GALNTL6: variants seen among roughly 807,000 people sequenced by gnomAD.
GALNTL6 encodes the protein polypeptide N-acetylgalactosaminyltransferase-like 6.
A neutral mutation model predicts 73.7 loss-of-function variants in GALNTL6; 46 were observed. That is an observed-to-expected ratio of 0.62 (90% CI 0.49 to 0.80). GALNTL6 has a LOEUF of 0.80. Among genes scored for constraint, GALNTL6 ranks in the 30% least tolerant of loss-of-function variants. The pLI, the probability that GALNTL6 is intolerant of heterozygous loss-of-function variation, is 0.00. For synonymous variants in GALNTL6, 259 were observed against 263.7 expected (o/e 0.98, Z 0.17); for missense variants, 604 against 755.0 (o/e 0.80, Z 2.34).
At chr4:173,034,087 C>A (rs34922894) in intron 12 of GALNTL6, among the ~76,000 whole-genome samples, 5,618 of 152,266 alleles carry the variant, frequency 0.037, 151 homozygotes, top group Non-Finnish European at 0.055. Flanking sequence ...CATCCACCTC[C>A]TCCCTCTACC....
At chr4:172,927,540 G>A (rs1237290712) in intron 8 of GALNTL6, among the ~76,000 whole-genome samples, 1 of 151,770 alleles carries the variant, frequency 6.6e-6, no homozygotes, top group Non-Finnish European at 1.5e-5. Flanking sequence ...TTCAAAAAAA[G>A]GCACAGAGGA....
intron 12 of GALNTL6, among the ~76,000 whole-genome samples, chr4:173,033,622 C>T (rs1753561760): frequency 6.6e-6 from 1 of 152,170 alleles, no homozygotes. Context: ...TCATCCCACT[C>T]CCCTCCTGCC....
chr4:172,219,095 T>G (rs2110943549), intron 2 of GALNTL6, among the ~76,000 whole-genome samples: 1 of 145,622 alleles, frequency 6.9e-6, no homozygotes, highest in African/African-American at 2.5e-5. Context: ...TTTCAGACAT[T>G]TGGGAAGGCA....
chr4:172,310,865 G>T (rs1430864235), intron 3 of GALNTL6, among the ~76,000 whole-genome samples: 1 of 151,646 alleles, frequency 6.6e-6, no homozygotes, highest in East Asian at 1.9e-4. Context: ...TAAAATATTT[G>T]CAACATATGT....
intron 10 of GALNTL6, among the ~76,000 whole-genome samples, chr4:172,998,360 C>T (rs1751888963): frequency 6.6e-6 from 1 of 152,202 alleles, no homozygotes; most frequent in Admixed American, 6.5e-5. Flanking sequence ...TTAATTTCTA[C>T]AAGCACTTCA....
chr4:172,579,122 C>T (rs1253790880), intron 5 of GALNTL6, among the ~76,000 whole-genome samples: 6 of 152,180 alleles, frequency 3.9e-5, no homozygotes, highest in Non-Finnish European at 7.3e-5. Flanking sequence ...ATTTTAACAT[C>T]ATCAAATTAC....
At chr4:172,296,028 T>A (rs1739660431) in intron 3 of GALNTL6, among the ~76,000 whole-genome samples, 2 of 152,162 alleles carry the variant, frequency 1.3e-5, no homozygotes, top group Non-Finnish European at 2.9e-5. Context: ...GAAGTATTGA[T>A]GCTTGACATT....
At chr4:172,512,444 T>C (rs1031335646) in intron 5 of GALNTL6, among the ~76,000 whole-genome samples, 3 of 152,162 alleles carry the variant, frequency 2.0e-5, no homozygotes, top group African/African-American at 7.2e-5. Flanking sequence ...CATTCAGCTG[T>C]AGTATTGAGA....
intron 2 of GALNTL6, among the ~76,000 whole-genome samples, chr4:171,930,547 G>T (rs1738146548): frequency 6.6e-6 from 1 of 152,086 alleles, no homozygotes; most frequent in Non-Finnish European, 1.5e-5. Flanking sequence ...TTAAGATCAG[G>T]AACAAGGCCA....
chr4:172,802,071 G>C (rs1419772710), intron 5 of GALNTL6, among the ~76,000 whole-genome samples: 1 of 151,804 alleles, frequency 6.6e-6, no homozygotes, highest in Non-Finnish European at 1.5e-5. Context: ...TCAAGCCCTT[G>C]GTCCTGAGGA....
intron 5 of GALNTL6, among the ~76,000 whole-genome samples, chr4:172,494,786 A>C (rs2110757515): frequency 6.6e-6 from 1 of 152,352 alleles, no homozygotes; most frequent in East Asian, 1.9e-4. Flanking sequence ...CAGCAAGTCC[A>C]GTCCATCCAT....
chr4:172,812,071 T>G (rs1393315556), intron 6 of GALNTL6, among the ~76,000 whole-genome samples: 1 of 151,442 alleles, frequency 6.6e-6, no homozygotes, highest in East Asian at 1.9e-4. Flanking sequence ...AACAGACAGA[T>G]GGAAGGATGG....
At chr4:172,192,809 G>T (rs574003529) in intron 2 of GALNTL6, among the ~76,000 whole-genome samples, 4 of 152,252 alleles carry the variant, frequency 2.6e-5, no homozygotes, top group East Asian at 3.9e-4. Flanking sequence ...GAACAAGTTG[G>T]GGGGAAGGGG....
chr4:172,770,875 G>A (rs1738725021), intron 5 of GALNTL6, among the ~76,000 whole-genome samples: 1 of 152,074 alleles, frequency 6.6e-6, no homozygotes, highest in Admixed American at 6.6e-5. Context: ...TTTTTATCCT[G>A]CCACAAACAA....
intron 7 of GALNTL6, among the ~76,000 whole-genome samples, chr4:172,861,612 A>G (rs971732971): frequency 2.0e-5 from 3 of 152,208 alleles, no homozygotes; most frequent in African/African-American, 7.2e-5. Context: ...GTCCCCACCC[A>G]CATCTTATCT....
intron 2 of GALNTL6, among the ~76,000 whole-genome samples, chr4:172,196,032 A>G (rs540611707): frequency 6.7e-6 from 1 of 149,638 alleles, no homozygotes; most frequent in East Asian, 1.9e-4. Context: ...TTAAATTAAT[A>G]AAATAGACCA....
chr4:172,874,985 C>T (rs992175785), intron 7 of GALNTL6, among the ~76,000 whole-genome samples: 2 of 152,172 alleles, frequency 1.3e-5, no homozygotes, highest in African/African-American at 4.8e-5. Context: ...GCTGGCAGAG[C>T]AGCTGCCAGC....
chr4:172,240,524 C>T (rs1177078351), intron 3 of GALNTL6, among the ~76,000 whole-genome samples: 2 of 152,126 alleles, frequency 1.3e-5, no homozygotes, highest in African/African-American at 4.8e-5. Context: ...AGCCACTGCG[C>T]CCAGGCTTTG....
chr4:172,567,838 A>C (rs1464811419), intron 5 of GALNTL6, among the ~76,000 whole-genome samples: 2 of 150,506 alleles, frequency 1.3e-5, no homozygotes, highest in African/African-American at 4.9e-5. Flanking sequence ...ACTGTGTCTC[A>C]AAAAAAAAAT....
Sources: allele counts gnomAD v4.1 joint callset (sites outside exome capture counted in the v4.1 genomes callset), GRCh38; gene constraint gnomAD v4.1.1; transcripts MANE v1.5; gene names NCBI Gene and HGNC (gene_info 2026-07-23, HGNC 2026-07-21).